NUCB1: variants seen among roughly 807,000 people sequenced by gnomAD.
NUCB1 encodes nucleobindin-1.
Under a neutral mutation model 61.2 loss-of-function variants are expected in NUCB1, and 47 were observed. The observed-to-expected ratio is 0.77, with a 90% confidence interval of 0.61 to 0.98. The LOEUF (loss-of-function observed/expected upper bound fraction) is 0.98, where lower values mean the gene tolerates loss of function less well. NUCB1 is among the 50% of genes least tolerant of loss of function. The pLI is 0.00. For synonymous variants in NUCB1, 234 were observed against 243.1 expected (o/e 0.96, Z 0.35); for missense variants, 583 against 605.3 (o/e 0.96, Z 0.39).
Position 48,918,766 on chromosome 19 carries a change from G to C in NUCB1, c.798G>C (p.Glu266Asp). ...SDGVLDEQEL[E>D]ALFTKELEKV... ...GTGTCCTGGATGAGCAGGAGCTGGA[G>C]GCACTCTTCACCAAGGAGGTGAGCA... is the stretch of plus-strand genomic sequence containing the variant. Residue 266 changes from glutamate (E) to aspartate (D), a missense_variant, in exon 8 of 13, where the codon GAG becomes GAC. Physicochemically the swap from Glu to Asp is conservative, Grantham distance 45. Coordinates refer to ENST00000405315, the MANE Select transcript of NUCB1 (RefSeq NM_006184.6). The C allele has an allele frequency of 6.2e-7, 1 of 1,614,062 alleles. No homozygotes were observed. The highest frequency in any genetic ancestry group is 8.5e-7 in the Non-Finnish European group (1 of 1,179,972).
In NUCB1 at chr19:48,913,012, C is replaced by T. The variant is rs1254013977; in HGVS notation, c.482C>T (p.Ala161Val). 1.2e-6 allele frequency: 2 copies of T among 1,602,320 alleles called. No homozygotes were observed. Among genetic ancestry groups the T allele is most frequent in the Non-Finnish European group, 1.7e-6 (2 of 1,174,194 alleles). The change falls in exon 6 of 13, where the codon GCC becomes GTC. Residue 161 changes from alanine to valine, a missense_variant and splice_region_variant. By Grantham distance (64) the Ala-to-Val change is moderately conservative (BLOSUM62 0). Transcript: ENST00000405315. ...GAATGACCCTGTGCCTTTCCCCAGG[C>T]CACCCGGGACCTTGCCCAGTACGAC... is the stretch of plus-strand genomic sequence containing the variant. The part of the protein sequence containing the change: ...ARDLELLIQT[A>V]TRDLAQYDAA...
chr19:48,901,810 C>G (rs1303989666), intron 2 of NUCB1, among the ~76,000 whole-genome samples: 1 of 152,208 alleles, frequency 6.6e-6, no homozygotes, highest in Non-Finnish European at 1.5e-5. Context: ...CTAGTCATTA[C>G]CCCCTGGAAC....
At chr19:48,912,844 A>AG (rs763689215) in intron 5 of NUCB1, among the ~76,000 whole-genome samples, 167 bp from the exon 6 acceptor site, 1 of 29,564 alleles carries the variant, frequency 3.4e-5, no homozygotes, top group Non-Finnish European at 6.9e-5. Context: ...ACTCCCTCTC[A>AG]AAAAAAAAAA....
In NUCB1 at chr19:48,900,673, G is replaced by A. The variant is rs1396569718; in HGVS notation, c.-11-113G>A. 2.9e-6 allele frequency: 4 copies of A among 1,375,086 alleles called. No individual in the cohort carries two copies. The Admixed American group carries it at 8.6e-5, about 29-fold the overall frequency. The allele number at this position is 1,375,086 out of a possible 1,614,324, so 85.2% of individuals were successfully genotyped here. On this transcript the variant is annotated intron_variant, in intron 1 of 12. Coordinates refer to ENST00000405315, the MANE Select transcript of NUCB1 (RefSeq NM_006184.6). ...CTGGGGCCTGGGTAACAAAATGCTT[G>A]TGTCTTGATTCTTGGAAGTGGGGGC...
intron 8 of NUCB1, 80 bp downstream of exon 8, chr19:48,918,864 C>G: frequency 1.4e-6 from 2 of 1,418,330 alleles, no homozygotes; most frequent in Non-Finnish European, 2.0e-6. Flanking sequence ...CCCTTAAATC[C>G]CCCTGGATGG....
chr19:48,918,413 C>A (rs954683309), intron 7 of NUCB1: 1 of 309,842 alleles, frequency 3.2e-6, no homozygotes, highest in African/African-American at 2.1e-5. Context: ...TCCCTGATAA[C>A]CCTGGAGCTG....
chr19:48,921,088 C>A, intron 10 of NUCB1, 66 bp from the exon 11 acceptor site: 1 of 1,516,386 alleles, frequency 6.6e-7, no homozygotes, highest in South Asian at 1.3e-5. Flanking sequence ...TTGGCACAAC[C>A]CTCTCCAACA....
intron 4 of NUCB1, among the ~76,000 whole-genome samples, 184 bp downstream of exon 4, chr19:48,906,069 ATGT>A (rs1214210360): frequency 6.6e-6 from 1 of 152,140 alleles, no homozygotes; most frequent in Non-Finnish European, 1.5e-5. Flanking sequence ...TAACATTACA[ATGT>A]TGTTTGTTTA....
At chr19:48,905,688 TAAG>T in intron 3 of NUCB1, 62 bp from the exon 4 acceptor site, 1 of 1,597,286 alleles carries the variant, frequency 6.3e-7, no homozygotes, top group Admixed American at 1.7e-5. Context: ...AGAAAGCTTA[TAAG>T]AAGCTTCCAG....
intron 5 of NUCB1, among the ~76,000 whole-genome samples, 183 bp downstream of exon 5, chr19:48,911,435 C>T (rs2037472533): frequency 7.3e-6 from 1 of 137,382 alleles, no homozygotes; most frequent in African/African-American, 2.7e-5. Context: ...GACGAAATCT[C>T]GCTGTTTTCC....
chr19:48,922,435 C>T lies in NUCB1; in HGVS notation c.*11C>T, dbSNP rs769545177. On this transcript the variant is annotated 3_prime_UTR_variant, in exon 13 of 13. Transcript: ENST00000405315. Reference sequence around the variant, plus strand: ...CCCCAGCATCTGTGATCCTCCGGGACCCCAGCCCTCAGGATTCCTGATGCT... The same window carrying T: ...CCCCAGCATCTGTGATCCTCCGGGATCCCAGCCCTCAGGATTCCTGATGCT... 2.2e-5 allele frequency: 35 copies of T among 1,602,094 alleles called. No individual in the cohort carries two copies. Among genetic ancestry groups the T allele is most frequent in the Non-Finnish European group, 2.2e-5 (26 of 1,169,374 alleles).
At chr19:48,909,233 A>T (rs1190822108) in intron 4 of NUCB1, among the ~76,000 whole-genome samples, 1 of 146,868 alleles carries the variant, frequency 6.8e-6, no homozygotes, top group Non-Finnish European at 1.5e-5. Flanking sequence ...ATTTTTTATT[A>T]ATTATTATTA....
At chr19:48,916,977 T>G (rs4801782) in intron 7 of NUCB1, among the ~76,000 whole-genome samples, 101,624 of 151,906 alleles carry the variant, frequency 0.67, 35,432 homozygotes, top group South Asian at 0.84. Context: ...CCCAGCACTT[T>G]GCGAAGCCAA....
At chr19:48,908,392 A>G (rs2122176031) in intron 4 of NUCB1, among the ~76,000 whole-genome samples, 1 of 152,158 alleles carries the variant, frequency 6.6e-6, no homozygotes, top group East Asian at 1.9e-4. Flanking sequence ...AGCCTCCCAA[A>G]TTGCTGAGAT....
chr19:48,919,452 CTTATTTATTTAT>C (rs35642334), intron 10 of NUCB1, among the ~76,000 whole-genome samples, 166 bp downstream of exon 10: 62 of 141,936 alleles, frequency 4.4e-4, no homozygotes, highest in Admixed American at 7.8e-4. Flanking sequence ...CTCTAGGACT[CTTATTTATTTAT>C]TTATTTATTT....
Position 48,922,591 on chromosome 19 carries a change from C to T in NUCB1, c.*167C>T. 1 of 602,702 alleles carries T rather than the reference C, an allele frequency of 1.7e-6. No homozygotes were observed. The highest frequency in any genetic ancestry group is 3.0e-6 in the Non-Finnish European group (1 of 335,226). 37.3% of individuals were successfully genotyped at this position (602,702 alleles called of 1,614,324 possible). Reference sequence around the variant, plus strand: ...TTGCTGCCACCCCAGGTCCACCTGTCTCCACTTTCACAGCCTCCAAGTCTG... The same window carrying T: ...TTGCTGCCACCCCAGGTCCACCTGTTTCCACTTTCACAGCCTCCAAGTCTG... On this transcript the variant is annotated 3_prime_UTR_variant, in exon 13 of 13. Transcript: ENST00000405315.
chr19:48,906,544 G>A (rs1407794308), intron 4 of NUCB1, among the ~76,000 whole-genome samples: 1 of 151,840 alleles, frequency 6.6e-6, no homozygotes, highest in African/African-American at 2.4e-5. Context: ...AACATAGCAA[G>A]ACCCCTGTCT....
intron 4 of NUCB1, 105 bp downstream of exon 4, chr19:48,905,990 C>A: frequency 2.4e-6 from 3 of 1,224,516 alleles, no homozygotes; most frequent in Non-Finnish European, 3.4e-6. Context: ...GGCCTCCCTC[C>A]CCGCTGCGAA....
chr19:48,918,956 TGGGAGTTGAAGTTGTC>T (rs2037573089), intron 8 of NUCB1, 58 bp from the exon 9 acceptor site: 3 of 1,475,794 alleles, frequency 2.0e-6, no homozygotes, highest in Admixed American at 1.8e-5. Context: ...AAAGGACTGC[TGGGAGTTGAAGTTGTC>T]GGGAATGAGC....
Sources: allele counts gnomAD v4.1 joint callset (sites outside exome capture counted in the v4.1 genomes callset), GRCh38; gene constraint gnomAD v4.1.1; transcripts MANE v1.5; gene names NCBI Gene and HGNC (gene_info 2026-07-23, HGNC 2026-07-21).